ASTN2: variants seen among roughly 807,000 people sequenced by gnomAD.
ASTN2 encodes astrotactin-2.
In ASTN2, 54 loss-of-function variants were observed where a neutral mutation model predicts 139.8. The observed-to-expected ratio is 0.39, with a 90% CI of 0.31 to 0.48. ASTN2 has a LOEUF of 0.48. ASTN2 is among the 20% of genes least tolerant of loss of function. ASTN2 has a pLI of 0.95. For missense variants in ASTN2, 1,565 were observed against 1,725.1 expected (o/e 0.91, Z 1.64); for synonymous variants, 756 against 719.5 (o/e 1.05, Z -0.81).
chr9:116,965,005 A>T (rs1835975830), intron 10 of ASTN2, among the ~76,000 whole-genome samples: 1 of 152,194 alleles, frequency 6.6e-6, no homozygotes, highest in Non-Finnish European at 1.5e-5. Context: ...TGACATAGGA[A>T]ATAGGGAGGA....
At chr9:117,067,582 G>A (rs1587926381) in intron 5 of ASTN2, among the ~76,000 whole-genome samples, 1 of 144,736 alleles carries the variant, frequency 6.9e-6, no homozygotes, top group African/African-American at 2.6e-5. Context: ...CATTGAATCT[G>A]TAAATTACCT....
chr9:116,621,903 G>A (rs1856176570), intron 17 of ASTN2, among the ~76,000 whole-genome samples: 1 of 152,168 alleles, frequency 6.6e-6, no homozygotes, highest in Non-Finnish European at 1.5e-5. Context: ...TTCAGTGTGT[G>A]CTTGATGCTA....
chr9:117,061,771 G>C (rs1211415699), intron 5 of ASTN2, among the ~76,000 whole-genome samples: 2 of 152,140 alleles, frequency 1.3e-5, no homozygotes, highest in Non-Finnish European at 2.9e-5. Flanking sequence ...GGGAGAGAAG[G>C]CTCTCAATTC....
chr9:116,892,062 C>T (rs536661478), intron 10 of ASTN2, among the ~76,000 whole-genome samples: 63 of 152,198 alleles, frequency 4.1e-4, no homozygotes, highest in African/African-American at 1.5e-3. Flanking sequence ...TCTGATATGC[C>T]TGAATACATA....
intron 17 of ASTN2, among the ~76,000 whole-genome samples, chr9:116,620,675 C>G (rs1037765817): frequency 6.6e-6 from 1 of 152,124 alleles, no homozygotes; most frequent in Non-Finnish European, 1.5e-5. Context: ...TAACTATATC[C>G]ATTGATAGTG....
At chr9:116,514,793 T>C (rs888039289) in intron 19 of ASTN2, among the ~76,000 whole-genome samples, 1 of 152,160 alleles carries the variant, frequency 6.6e-6, no homozygotes, top group Non-Finnish European at 1.5e-5. Flanking sequence ...GACCCTCTGA[T>C]CCTGGTGCGG....
At chr9:116,500,788 G>A (rs1266845697) in intron 19 of ASTN2, among the ~76,000 whole-genome samples, 5 of 152,218 alleles carry the variant, frequency 3.3e-5, no homozygotes, top group African/African-American at 1.2e-4. Flanking sequence ...TGTATGGGAA[G>A]CACCTAGCAC....
At chr9:116,466,367 G>C (rs1168006464) in intron 20 of ASTN2, among the ~76,000 whole-genome samples, 2 of 152,086 alleles carry the variant, frequency 1.3e-5, no homozygotes, top group African/African-American at 4.8e-5. Flanking sequence ...TCTTATCTCT[G>C]CTCTGCAACA....
chr9:116,687,026 C>A (rs996326717), intron 16 of ASTN2: 116 of 1,379,096 alleles, frequency 8.4e-5, no homozygotes, highest in Non-Finnish European at 1.1e-4. Flanking sequence ...GACATTGAGA[C>A]TGGAGTCAGA....
At chr9:116,472,763 A>T (rs10739464) in intron 20 of ASTN2, among the ~76,000 whole-genome samples, 113,216 of 150,314 alleles carry the variant, frequency 0.75, 42,781 homozygotes, top group African/African-American at 0.81. Flanking sequence ...AAAAAAAAAA[A>T]TAGCCATGTT....
intron 2 of ASTN2, among the ~76,000 whole-genome samples, chr9:117,245,959 A>T (rs1833368311): frequency 6.6e-6 from 1 of 152,160 alleles, no homozygotes; most frequent in Non-Finnish European, 1.5e-5. Flanking sequence ...AGTATTTACT[A>T]GTCCACTTCC....
At chr9:117,374,350 G>T (rs934741987) in intron 1 of ASTN2, among the ~76,000 whole-genome samples, 2 of 135,304 alleles carry the variant, frequency 1.5e-5, no homozygotes, top group Admixed American at 1.6e-4. Context: ...AGAATTATGA[G>T]GCTGCATAAG....
intron 11 of ASTN2, among the ~76,000 whole-genome samples, chr9:116,862,861 G>T (rs1832923395): frequency 6.7e-6 from 1 of 149,858 alleles, no homozygotes; most frequent in Non-Finnish European, 1.5e-5. Flanking sequence ...AAAAAGTCAG[G>T]CTCCCGGGAC....
At chr9:116,746,988 C>T (rs1372408927) in intron 13 of ASTN2, among the ~76,000 whole-genome samples, 1 of 152,212 alleles carries the variant, frequency 6.6e-6, no homozygotes, top group Admixed American at 6.5e-5. Context: ...ATCCATTCAG[C>T]TGTGGTACCG....
At chr9:116,972,482 C>T (rs1588450549) in intron 10 of ASTN2, among the ~76,000 whole-genome samples, 2 of 152,180 alleles carry the variant, frequency 1.3e-5, no homozygotes, top group South Asian at 2.1e-4. Flanking sequence ...CACACATTTA[C>T]ATATTTCTGT....
intron 1 of ASTN2, among the ~76,000 whole-genome samples, chr9:117,410,859 G>A (rs1405651785): frequency 6.6e-6 from 1 of 152,162 alleles, no homozygotes; most frequent in Non-Finnish European, 1.5e-5. Flanking sequence ...AGCTGGAAGG[G>A]TCATTGGATG....
At chr9:117,228,016 G>T (rs1832770160) in intron 2 of ASTN2, among the ~76,000 whole-genome samples, 1 of 152,072 alleles carries the variant, frequency 6.6e-6, no homozygotes, top group Non-Finnish European at 1.5e-5. Context: ...ACTGGATTTG[G>T]GTTCAAATTC....
chr9:116,591,809 A>G (rs1429129152), intron 19 of ASTN2, among the ~76,000 whole-genome samples: 1 of 152,212 alleles, frequency 6.6e-6, no homozygotes, highest in African/African-American at 2.4e-5. Flanking sequence ...TGATTTGGGT[A>G]CTGGTTATAT....
intron 19 of ASTN2, among the ~76,000 whole-genome samples, chr9:116,606,771 C>A (rs1855229970): frequency 6.6e-6 from 1 of 151,898 alleles, no homozygotes; most frequent in Non-Finnish European, 1.5e-5. Context: ...CTGGAATTAA[C>A]CCTTAAAAAT....
Sources: gnomAD v4.1 joint callset for allele counts (sites outside exome capture counted in the v4.1 genomes callset) on GRCh38, gnomAD v4.1.1 for gene constraint, MANE v1.5 for transcripts, NCBI Gene and HGNC (gene_info 2026-07-23, HGNC 2026-07-21) for gene names.